ZNF721: variants seen among roughly 807,000 people sequenced by gnomAD.
The protein encoded by ZNF721 is zinc finger protein 721.
ZNF721 carries 2 observed loss-of-function variants against 2.4 expected under a neutral mutation model. The observed-to-expected ratio is 0.82, with a 90% confidence interval of 0.34 to 2.58. ZNF721 has a LOEUF of 2.58. Among genes scored for constraint, ZNF721 ranks in the 30% most tolerant of loss-of-function variants. The pLI, the probability that ZNF721 is intolerant of heterozygous loss-of-function variation, is 0.11. For missense variants in ZNF721, 1,187 were observed against 1,085.5 expected, an observed-to-expected ratio of 1.09 and a Z score of -1.31; for synonymous variants, 398 against 381.8, an observed-to-expected ratio of 1.04 and a Z score of -0.50.
At chr4:472,725 G>A (rs782215642) in intron 1 of ZNF721, 24 bp from the exon 2 acceptor site, 1 of 1,608,840 alleles carries the variant, frequency 6.2e-7, no homozygotes, top group Non-Finnish European at 8.5e-7. Context: ...TGTATCAAGT[G>A]ACAGAGTTCT....
At chr4:483,668 C>T (rs1429679701) in intron 1 of ZNF721, among the ~76,000 whole-genome samples, 2 of 152,128 alleles carry the variant, frequency 1.3e-5, no homozygotes, top group African/African-American at 4.8e-5. Flanking sequence ...TATAGCTACA[C>T]AAATGTATTA....
In ZNF721 at chr4:444,019, T is replaced by C; in HGVS notation, c.448A>G (p.Thr150Ala). ...EERGKDFGWY[T>A]DLNQHKKIHT... ...ATTTTCTTGTGTTGATTCAGGTCTG[T>C]GTACCATCCAAAGTCTTTGCCACGT... Residue 150 changes from threonine (T) to alanine (A), a missense_variant, in exon 3 of 3, where the codon ACA becomes GCA. Physicochemically the swap from Thr to Ala is moderately conservative, Grantham distance 58 (BLOSUM62 0). Transcript: ENST00000511833. 6.2e-7 allele frequency: 1 copy of C among 1,613,722 alleles called. No individual in the cohort carries two copies. Among genetic ancestry groups the C allele is most frequent in the Non-Finnish European group, 8.5e-7 (1 of 1,179,740 alleles).
intron 1 of ZNF721, among the ~76,000 whole-genome samples, chr4:495,662 G>T (rs960561840): frequency 1.3e-5 from 2 of 151,840 alleles, no homozygotes; most frequent in Non-Finnish European, 2.9e-5. Flanking sequence ...GTGCAGTGAC[G>T]TGTGATCTCG....
chr4:472,616 CTA>C lies in ZNF721; in HGVS notation c.-10_-9del, dbSNP rs1553867902. ...TCTGTAGTTCTCCAACATCACATCTCTATACAAATTCTGCTGGGCAGGGTCCA... is the reference window on the plus strand; with the variant it reads ...TCTGTAGTTCTCCAACATCACATCTCTACAAATTCTGCTGGGCAGGGTCCA... On this transcript the variant is annotated 5_prime_UTR_variant, in exon 2 of 3. It removes the in-frame stop codon of an upstream open reading frame in the 5' UTR. Coordinates refer to ENST00000511833, the MANE Select transcript of ZNF721 (RefSeq NM_133474.4). The C allele has an allele frequency of 1.4e-5, 23 of 1,614,070 alleles. No homozygotes were observed. The highest frequency in any genetic ancestry group is 1.9e-5 in the Non-Finnish European group (22 of 1,180,012).
chr4:465,313 G>C (rs1337743889), intron 2 of ZNF721, among the ~76,000 whole-genome samples: 4 of 152,174 alleles, frequency 2.6e-5, no homozygotes, highest in African/African-American at 9.6e-5. Flanking sequence ...TTTGATATTG[G>C]AGAGTTGAGG....
intron 2 of ZNF721, among the ~76,000 whole-genome samples, chr4:450,196 A>T (rs916887978): frequency 6.7e-6 from 1 of 148,592 alleles, no homozygotes; most frequent in African/African-American, 2.5e-5. Flanking sequence ...AAACAAAATC[A>T]GTATGTCAAA....
chr4:491,115 C>A (rs942231416), intron 1 of ZNF721, among the ~76,000 whole-genome samples: 2 of 152,080 alleles, frequency 1.3e-5, no homozygotes, highest in African/African-American at 4.8e-5. Flanking sequence ...TTACTTCTGG[C>A]TTTTGGGGGC....
chr4:466,667 C>CA (rs1715263722), intron 2 of ZNF721, among the ~76,000 whole-genome samples: 1 of 151,666 alleles, frequency 6.6e-6, no homozygotes. Flanking sequence ...GATGAGATAT[C>CA]AAAAAAACAA....
chr4:443,598 G>A lies in ZNF721; in HGVS notation c.869C>T (p.Thr290Ile). ...AATTCTCCTATGTTTAGTAAGGGTT[G>A]TGGAAATATTAAAGGCTTTACCACA... ...LECGKAFNIS[T>I]TLTKHRRIHT... Residue 290 changes from threonine to isoleucine, a missense_variant, in exon 3 of 3, where the codon ACA becomes ATA. Thr to Ile is a moderately conservative substitution (Grantham distance 89). Transcript: ENST00000511833. 6.2e-7 allele frequency: 1 copy of A among 1,614,030 alleles called. No homozygotes were observed. The highest frequency in any genetic ancestry group is 1.3e-5 in the African/African-American group (1 of 75,040).
Position 477,428 on chromosome 4 carries a change from C to T in ZNF721, c.-93-4727G>A, listed in dbSNP as rs545995713. On this transcript the variant is annotated intron_variant, in intron 1 of 2. Transcript: ENST00000511833. ...AATTTTTTTGTATTTTTAGTAGAGA[C>T]GGGGTCTCACCATGTTAGCCAGGAT... is the stretch of plus-strand genomic sequence containing the variant. Among the ~76,000 whole-genome samples the T allele has an allele frequency of 1.7e-3, 254 of 151,950 alleles. 1 individual carries two copies. Among genetic ancestry groups the T allele is most frequent in the African/African-American group, 6.0e-3 (248 of 41,452 alleles).
intron 1 of ZNF721, among the ~76,000 whole-genome samples, chr4:496,567 C>T (rs1716157360): frequency 6.6e-6 from 1 of 152,010 alleles, no homozygotes; most frequent in South Asian, 2.1e-4. Context: ...AGATTCTACA[C>T]TCATGAGCTA....
chr4:483,932 C>T (rs1265849121), intron 1 of ZNF721, among the ~76,000 whole-genome samples: 2 of 152,150 alleles, frequency 1.3e-5, no homozygotes, highest in African/African-American at 2.4e-5. Context: ...CTGCCTCAGC[C>T]TCCCGAGTAG....
intron 2 of ZNF721, among the ~76,000 whole-genome samples, chr4:445,335 A>G (rs1316871800): frequency 3.9e-5 from 6 of 152,170 alleles, no homozygotes; most frequent in Non-Finnish European, 8.8e-5. Context: ...ACTAAAAAAT[A>G]AACACAAAAT....
At chr4:471,158 TGTTA>T (rs574151774) in intron 2 of ZNF721, among the ~76,000 whole-genome samples, 119 of 152,304 alleles carry the variant, frequency 7.8e-4, no homozygotes, top group Admixed American at 3.1e-3. Flanking sequence ...TGCTGTATGC[TGTTA>T]GTGAGATGTA....
At chr4:467,855 G>T (rs1235721188) in intron 2 of ZNF721, among the ~76,000 whole-genome samples, 2 of 152,152 alleles carry the variant, frequency 1.3e-5, no homozygotes, top group Admixed American at 6.5e-5. Context: ...TGTTCCCAGG[G>T]GCTGGGCGCG....
intron 1 of ZNF721, among the ~76,000 whole-genome samples, 180 bp from the exon 2 acceptor site, chr4:472,881 T>C (rs1162373247): frequency 6.6e-6 from 1 of 151,986 alleles, no homozygotes; most frequent in Non-Finnish European, 1.5e-5. Context: ...TCCAACAGTT[T>C]CTGTTCCTGC....
chr4:474,248 T>A, intron 1 of ZNF721: 1 of 361,010 alleles, frequency 2.8e-6, no homozygotes, highest in Admixed American at 3.8e-5. Flanking sequence ...GGTCCAGGCT[T>A]CACGCCCTCA....
At position 442,017 on chromosome 4, in the gene ZNF721, G is replaced by A. The variant is rs782289856; in HGVS notation, c.2450C>T (p.Ala817Val). 5.1e-5 allele frequency: 82 copies of A among 1,613,892 alleles called. No homozygotes were observed. Among genetic ancestry groups the A allele is most frequent in the Admixed American group, 4.5e-4 (27 of 60,022 alleles). The change falls in exon 3 of 3, where the codon GCG becomes GTG. Residue 817 changes from alanine to valine, a missense_variant. Transcript: ENST00000511833. The part of the protein sequence containing the change: ...KPFKCLECGK[A>V]FTSSTTLTKH... ...AGTAAGGGTTGTGGAACTAGTAAAC[G>A]CTTTACCACATTCTAAACATTTAAA...
Position 444,184 on chromosome 4 carries a change from T to G in ZNF721, c.283A>C (p.Asn95His). 1 of 1,613,876 alleles carries G rather than the reference T, an allele frequency of 6.2e-7. No homozygotes were observed. Among genetic ancestry groups the G allele is most frequent in the Non-Finnish European group, 8.5e-7 (1 of 1,179,836 alleles). The change falls in exon 3 of 3, where the codon AAT becomes CAT. Residue 95 changes from asparagine (N) to histidine (H), a missense_variant. Transcript: ENST00000511833. ...ARVKVFSKFA[N>H]SNKDKTRHTG... ...TGTCTTGTCTTATCTTTGTTTGAATTTGCAAATTTACTAAAAACTTTGACA... is the reference window on the plus strand; with the variant it reads ...TGTCTTGTCTTATCTTTGTTTGAATGTGCAAATTTACTAAAAACTTTGACA...
Sources: gnomAD v4.1 joint callset for allele counts (sites outside exome capture counted in the v4.1 genomes callset) on GRCh38, gnomAD v4.1.1 for gene constraint, MANE v1.5 for transcripts, NCBI Gene and HGNC (gene_info 2026-07-23, HGNC 2026-07-21) for gene names.